The following GCNT2 variants were observed in gnomAD, a reference collection of about 807,000 sequenced individuals.
GCNT2 encodes glucosaminyl (N-acetyl) transferase 2 (I blood group).
In GCNT2, 34 loss-of-function variants were observed where a neutral mutation model predicts 34.2. That is an observed-to-expected ratio of 1.00 (90% confidence interval 0.76 to 1.32). The LOEUF (loss-of-function observed/expected upper bound fraction) is 1.32. Among genes scored for constraint, GCNT2 ranks in the 40% most tolerant of loss-of-function variants. The pLI is 0.00. For missense variants in GCNT2, 584 were observed against 489.4 expected (o/e 1.19, Z -1.82); for synonymous variants, 212 against 188.0 (o/e 1.13, Z -1.04).
intron 3 of GCNT2, among the ~76,000 whole-genome samples, chr6:10,598,628 C>A (rs193158313): frequency 6.6e-6 from 1 of 152,204 alleles, no homozygotes; most frequent in Non-Finnish European, 1.5e-5. Flanking sequence ...CAAGTACTTA[C>A]ACAATATCTT....
At chr6:10,607,963 G>A (rs1765395465) in intron 3 of GCNT2, among the ~76,000 whole-genome samples, 1 of 151,988 alleles carries the variant, frequency 6.6e-6, no homozygotes, top group South Asian at 2.1e-4. Context: ...GCTTAGGTTC[G>A]AGAACTTGCT....
intron 3 of GCNT2, among the ~76,000 whole-genome samples, chr6:10,594,397 G>T (rs187313500): frequency 2.6e-5 from 4 of 152,252 alleles, no homozygotes; most frequent in African/African-American, 7.2e-5. Context: ...CATGAAAGTG[G>T]TATGCAAATA....
intron 3 of GCNT2, among the ~76,000 whole-genome samples, chr6:10,566,559 G>A (rs1020852785): frequency 4.6e-5 from 7 of 152,188 alleles, no homozygotes; most frequent in African/African-American, 1.4e-4. Flanking sequence ...CTCCCAAAGC[G>A]TTGGGATTAT....
chr6:10,572,830 C>A (rs1196332254), intron 3 of GCNT2, among the ~76,000 whole-genome samples: 1 of 152,172 alleles, frequency 6.6e-6, no homozygotes, highest in African/African-American at 2.4e-5. Flanking sequence ...GCATCAAATG[C>A]AAAAATTGTC....
intron 3 of GCNT2, among the ~76,000 whole-genome samples, chr6:10,611,286 G>A (rs1201111671): frequency 2.0e-5 from 2 of 101,856 alleles, no homozygotes; most frequent in East Asian, 6.1e-4. Context: ...TTGATCAATT[G>A]AACCAGTACT....
intron 1 of GCNT2, among the ~76,000 whole-genome samples, chr6:10,523,184 G>A (rs925997542): frequency 6.6e-6 from 1 of 152,268 alleles, no homozygotes; most frequent in East Asian, 1.9e-4. Flanking sequence ...CACTTTGGGA[G>A]GCCGAGTCAG....
chr6:10,590,018 G>A (rs568720842), intron 3 of GCNT2, among the ~76,000 whole-genome samples: 4 of 152,242 alleles, frequency 2.6e-5, no homozygotes, highest in Admixed American at 2.0e-4. Flanking sequence ...GCATCCAACC[G>A]CGATGAAGTG....
At chr6:10,528,072 G>A (rs1040848769) in intron 2 of GCNT2, among the ~76,000 whole-genome samples, 2 of 152,082 alleles carry the variant, frequency 1.3e-5, no homozygotes, top group Non-Finnish European at 2.9e-5. Flanking sequence ...ATGGGCTATT[G>A]GTCGTTTTGT....
chr6:10,569,275 C>CACACACACACACACAAACACACACACACA (rs1491437125), intron 3 of GCNT2, among the ~76,000 whole-genome samples: 1 of 101,332 alleles, frequency 9.9e-6, no homozygotes, highest in South Asian at 3.1e-4. Flanking sequence ...ACACACACAC[C>CACACACACACACACAAACACACACACACA]CCCTAGGTAA....
intron 3 of GCNT2, among the ~76,000 whole-genome samples, chr6:10,619,986 C>T (rs924192857): frequency 2.6e-4 from 39 of 152,236 alleles, no homozygotes; most frequent in Non-Finnish European, 5.1e-4. Flanking sequence ...CTGTTTCCTT[C>T]TTCCAATGTT....
intron 3 of GCNT2, among the ~76,000 whole-genome samples, chr6:10,547,492 C>T (rs1400997958): frequency 6.6e-6 from 1 of 152,174 alleles, no homozygotes; most frequent in Non-Finnish European, 1.5e-5. Context: ...GATGATTTCT[C>T]ATGATTAAAT....
chr6:10,578,546 A>G (rs1018550120), intron 3 of GCNT2, among the ~76,000 whole-genome samples: 1 of 137,800 alleles, frequency 7.3e-6, no homozygotes, highest in Non-Finnish European at 1.5e-5. Flanking sequence ...TCCTGGGTTC[A>G]TGCCATTCTC....
At chr6:10,573,915 G>A (rs1179319600) in intron 3 of GCNT2, among the ~76,000 whole-genome samples, 1 of 152,240 alleles carries the variant, frequency 6.6e-6, no homozygotes, top group African/African-American at 2.4e-5. Flanking sequence ...AAGCACCCCT[G>A]CACACACAGC....
chr6:10,617,393 C>G (rs987573840), intron 3 of GCNT2, among the ~76,000 whole-genome samples: 4 of 152,204 alleles, frequency 2.6e-5, no homozygotes, highest in African/African-American at 9.6e-5. Context: ...CCGCCGGCGC[C>G]TCTCTCTCCA....
intron 3 of GCNT2, among the ~76,000 whole-genome samples, chr6:10,541,095 C>G (rs1199188889): frequency 6.6e-6 from 1 of 151,146 alleles, no homozygotes; most frequent in African/African-American, 2.4e-5. Flanking sequence ...GTGGTTTACC[C>G]GCACAGATCA....
chr6:10,549,676 A>G (rs964160581), intron 3 of GCNT2, among the ~76,000 whole-genome samples: 4 of 149,732 alleles, frequency 2.7e-5, no homozygotes, highest in African/African-American at 7.4e-5. Flanking sequence ...GGCTCAAGCA[A>G]TTCTCCTGCC....
chr6:10,584,013 A>C (rs1764230652), intron 3 of GCNT2, among the ~76,000 whole-genome samples: 1 of 152,124 alleles, frequency 6.6e-6, no homozygotes, highest in African/African-American at 2.4e-5. Context: ...AATAAGACAC[A>C]GAGACAAAGT....
intron 3 of GCNT2, among the ~76,000 whole-genome samples, chr6:10,564,680 G>C (rs1237130589): frequency 6.6e-6 from 1 of 152,232 alleles, no homozygotes; most frequent in Non-Finnish European, 1.5e-5. Flanking sequence ...CCTGACTTTT[G>C]TGTCTCAGTG....
intron 3 of GCNT2, among the ~76,000 whole-genome samples, chr6:10,558,407 G>T (rs1214282736): frequency 6.6e-6 from 1 of 152,160 alleles, no homozygotes; most frequent in Non-Finnish European, 1.5e-5. Context: ...CATATTATAT[G>T]TGTAGGATTT....
Sources: gnomAD v4.1 joint callset for allele counts (sites outside exome capture counted in the v4.1 genomes callset) on GRCh38, gnomAD v4.1.1 for gene constraint, MANE v1.5 for transcripts, NCBI Gene and HGNC (gene_info 2026-07-23, HGNC 2026-07-21) for gene names.